PTPRD: variants seen among roughly 807,000 people sequenced by gnomAD.
PTPRD encodes the protein receptor-type tyrosine-protein phosphatase delta.
PTPRD carries 34 observed loss-of-function variants against 214.5 expected under a neutral mutation model. The ratio of observed to expected loss-of-function variants is 0.16; its 90% CI spans 0.12 to 0.21. The LOEUF (loss-of-function observed/expected upper bound fraction) is 0.21, where lower values mean the gene tolerates loss of function less well. PTPRD is among the 10% of genes least tolerant of loss of function. PTPRD has a pLI of 1.00. For missense variants in PTPRD, 2,545 were observed against 2,398.7 expected (o/e 1.06, Z -1.27); for synonymous variants, 1,128 against 845.7 (o/e 1.33, Z -5.79).
At chr9:10,426,929 A>T (rs145420076) in intron 2 of PTPRD, among the ~76,000 whole-genome samples, 1 of 152,196 alleles carries the variant, frequency 6.6e-6, no homozygotes, top group African/African-American at 2.4e-5. Context: ...CATTTTTCAA[A>T]CATGTTTTAG....
chr9:9,619,767 A>T (rs909913128), intron 7 of PTPRD, among the ~76,000 whole-genome samples: 10 of 146,464 alleles, frequency 6.8e-5, no homozygotes, highest in African/African-American at 2.5e-4. Context: ...TATATAATCT[A>T]TATAAGTATA....
chr9:10,100,199 A>G (rs1000581268), intron 3 of PTPRD, among the ~76,000 whole-genome samples: 7 of 151,740 alleles, frequency 4.6e-5, no homozygotes, highest in Non-Finnish European at 1.0e-4. Flanking sequence ...ATGAGGTAGA[A>G]AAATGGTAAC....
chr9:9,574,455 C>T lies in PTPRD; in HGVS notation c.-237+277G>A, dbSNP rs115951052. 6.9e-3 allele frequency among the ~76,000 whole-genome samples: 1,055 copies of T among 151,954 alleles called. 13 individuals carry two copies. The highest frequency in any genetic ancestry group is 0.024 in the African/African-American group (1,001 of 41,502). ...AATGGATAAAATTGTTATTCATGTT[C>T]AAAGAACAGTTTTCAGTGGTATCAA... On this transcript the variant is annotated intron_variant, in intron 8 of 45. Coordinates refer to ENST00000381196, the MANE Select transcript of PTPRD (RefSeq NM_002839.4).
intron 5 of PTPRD, among the ~76,000 whole-genome samples, chr9:9,787,220 A>T (rs1172666848): frequency 1.4e-5 from 2 of 147,174 alleles, no homozygotes; most frequent in South Asian, 2.1e-4. Context: ...ATATTTCATT[A>T]AAAAAAAAAG....
chr9:10,535,942 A>G (rs1047469558), intron 2 of PTPRD, among the ~76,000 whole-genome samples: 4 of 152,268 alleles, frequency 2.6e-5, no homozygotes, highest in Non-Finnish European at 5.9e-5. Context: ...ATACTCGACA[A>G]AACAGTTGGT....
intron 14 of PTPRD, among the ~76,000 whole-genome samples, chr9:8,555,883 C>T (rs1328859554): frequency 6.6e-6 from 1 of 152,150 alleles, no homozygotes; most frequent in Non-Finnish European, 1.5e-5. Flanking sequence ...CAAGGTCCAT[C>T]TTGGACTTTA....
chr9:8,551,379 T>C (rs559403535), intron 14 of PTPRD, among the ~76,000 whole-genome samples: 6 of 152,366 alleles, frequency 3.9e-5, no homozygotes, highest in East Asian at 1.9e-4. Flanking sequence ...ATATGCTTCA[T>C]ATCTCATTTT....
rs530166027 is a variant in PTPRD, at chr9:9,076,296, T to A, written c.-142-57561A>T. On this transcript the variant is annotated intron_variant, in intron 10 of 45. Transcript: ENST00000381196. ...TTTGTAGATTCTGGATATTAGCCCT[T>A]TGTCAGACGGGGAGATTGCAAAAAT... 2.6e-5 allele frequency among the ~76,000 whole-genome samples: 4 copies of A among 152,264 alleles called. No homozygotes were observed. The South Asian group carries it at 8.3e-4, about 32-fold the overall frequency.
chr9:10,207,539 T>C (rs1448541597), intron 3 of PTPRD, among the ~76,000 whole-genome samples: 1 of 152,044 alleles, frequency 6.6e-6, no homozygotes, highest in Non-Finnish European at 1.5e-5. Flanking sequence ...AATGCACTAA[T>C]AAAAATATTA....
intron 10 of PTPRD, among the ~76,000 whole-genome samples, chr9:9,164,765 C>G (rs913886280): frequency 1.3e-5 from 2 of 152,070 alleles, no homozygotes; most frequent in African/African-American, 4.8e-5. Flanking sequence ...GTAATCCCAG[C>G]ACTTTGGGAG....
chr9:10,160,343 T>G (rs188260203), intron 3 of PTPRD, among the ~76,000 whole-genome samples: 39 of 152,098 alleles, frequency 2.6e-4, no homozygotes, highest in Non-Finnish European at 4.9e-4. Flanking sequence ...GTAATGAGAT[T>G]GAAGTCATAA....
At position 9,864,974 on chromosome 9, in the gene PTPRD, G is replaced by C. The variant is rs145857781; in HGVS notation, c.-368+73533C>G. Among the ~76,000 whole-genome samples, 672 of 151,966 alleles carry C rather than the reference G, an allele frequency of 4.4e-3. 2 individuals are homozygous for C. Among genetic ancestry groups the C allele is most frequent in the Non-Finnish European group, 4.4e-3 (298 of 67,972 alleles). Reference sequence around the variant, plus strand: ...TTCTGATATTATGGTGTATATTATAGATTCTATTAAATAGATTATCTCTAT... The same window carrying C: ...TTCTGATATTATGGTGTATATTATACATTCTATTAAATAGATTATCTCTAT... On this transcript the variant is annotated intron_variant, in intron 5 of 45. Coordinates refer to ENST00000381196, the MANE Select transcript of PTPRD (RefSeq NM_002839.4).
chr9:9,508,910 A>G (rs2096633277), intron 8 of PTPRD, among the ~76,000 whole-genome samples: 1 of 151,604 alleles, frequency 6.6e-6, no homozygotes. Context: ...GAGTCTGTAT[A>G]TCACCCTTGC....
intron 11 of PTPRD, among the ~76,000 whole-genome samples, chr9:8,901,589 T>C (rs2098669186): frequency 6.6e-6 from 1 of 152,178 alleles, no homozygotes; most frequent in Admixed American, 6.5e-5. Context: ...AGCAGTAAAG[T>C]AGTGACAGAG....
At chr9:8,432,046 G>A (rs1379658560) in intron 35 of PTPRD, among the ~76,000 whole-genome samples, 1 of 152,144 alleles carries the variant, frequency 6.6e-6, no homozygotes, top group Non-Finnish European at 1.5e-5. Context: ...TTCTTCCTTG[G>A]AATTTCAATT....
chr9:9,623,528 C>T (rs191890085), intron 7 of PTPRD, among the ~76,000 whole-genome samples: 36 of 152,224 alleles, frequency 2.4e-4, no homozygotes, highest in Admixed American at 6.5e-4. Context: ...TGAATGAGTA[C>T]CTCATATTAC....
chr9:9,279,487 T>C (rs1345052852), intron 9 of PTPRD, among the ~76,000 whole-genome samples: 3 of 150,246 alleles, frequency 2.0e-5, no homozygotes, highest in Admixed American at 6.7e-5. Context: ...TAATGATATA[T>C]AGAACAATTT....
intron 9 of PTPRD, among the ~76,000 whole-genome samples, chr9:9,213,270 G>A (rs2099949981): frequency 6.6e-6 from 1 of 152,148 alleles, no homozygotes; most frequent in Non-Finnish European, 1.5e-5. Flanking sequence ...GTATCATTAA[G>A]TTAGAAGAGT....
chr9:8,607,863 T>G (rs554426126), intron 14 of PTPRD, among the ~76,000 whole-genome samples: 77 of 152,228 alleles, frequency 5.1e-4, no homozygotes, highest in African/African-American at 1.7e-3. Context: ...AACCTAGCAA[T>G]AAGTTTAAGG....
Sources: allele counts gnomAD v4.1 joint callset (sites outside exome capture counted in the v4.1 genomes callset), GRCh38; gene constraint gnomAD v4.1.1; transcripts MANE v1.5; gene names NCBI Gene and HGNC (gene_info 2026-07-23, HGNC 2026-07-21).